Variants in PRCC observed in about 807,000 individuals in gnomAD.
PRCC encodes the protein proline rich mitotic checkpoint control factor, also known as proline-rich protein PRCC.
Under a neutral mutation model 44.0 loss-of-function variants are expected in PRCC, and 10 were observed. The ratio of observed to expected loss-of-function variants is 0.23; its 90% confidence interval spans 0.14 to 0.39. PRCC has a LOEUF of 0.39. Ranked by LOEUF, PRCC falls within the 10% of genes least tolerant of loss-of-function variation. The probability of loss-of-function intolerance (pLI) is 1.00; values close to 1 mark genes in which losing one functional copy is unlikely to be tolerated. For synonymous variants in PRCC, 278 were observed against 259.5 expected (o/e 1.07, Z -0.69); for missense variants, 573 against 624.7 (o/e 0.92, Z 0.88).
chr1:156,769,043 T>C (rs1049259904), intron 1 of PRCC, among the ~76,000 whole-genome samples: 3 of 152,178 alleles, frequency 2.0e-5, no homozygotes, highest in Non-Finnish European at 4.4e-5. Flanking sequence ...AGTGGAAAAA[T>C]ACAAGGCTCC....
chr1:156,781,578 T>C (rs1652052621), intron 1 of PRCC, among the ~76,000 whole-genome samples: 1 of 152,190 alleles, frequency 6.6e-6, no homozygotes, highest in Non-Finnish European at 1.5e-5. Context: ...GCTAAAAGTT[T>C]AGCTATTTTT....
chr1:156,792,053 C>CTTTTTTTTTTTTTTTTTTTTTTTTTTTTT (rs67388360), intron 4 of PRCC, among the ~76,000 whole-genome samples: 6 of 58,450 alleles, frequency 1.0e-4, no homozygotes, highest in East Asian at 1.8e-3. Context: ...TAGTCCCCTT[C>CTTTTTTTTTTTTTTTTTTTTTTTTTTTTT]TTTTTTTTTT....
At chr1:156,775,289 T>C (rs1435028177) in intron 1 of PRCC, among the ~76,000 whole-genome samples, 1 of 151,608 alleles carries the variant, frequency 6.6e-6, no homozygotes, top group East Asian at 1.9e-4. Context: ...GGTCTTACTA[T>C]GTTATCTGGG....
chr1:156,795,285 GTTTTTTTTTTTT>G (rs35911411), intron 5 of PRCC, among the ~76,000 whole-genome samples: 1 of 36,054 alleles, frequency 2.8e-5, no homozygotes, highest in African/African-American at 1.4e-4. Flanking sequence ...ATTTTCTGGT[GTTTTTTTTTTTT>G]TTTTTTTTTT....
Position 156,791,792 on chromosome 1 carries a change from A to G in PRCC, c.1179A>G (p.Ala393=), listed in dbSNP as rs1350018877. 1.2e-6 allele frequency: 2 copies of G among 1,613,184 alleles called. No individual in the cohort carries two copies. The highest frequency in any genetic ancestry group is 1.7e-6 in the Non-Finnish European group (2 of 1,179,328). The change falls in exon 4 of 7, where the codon GCA becomes GCG. Residue 393 remains alanine, a splice_region_variant and synonymous_variant. Transcript: ENST00000271526. The stretch of plus-strand genomic sequence containing the variant: ...ATGCCTCCTTCATCGATGACGAAGC[A>G]GTAAGTTAAGAAAGCACAAGTGACC... ...APDASFIDDE[A]FKRLQGKRNR...
intron 1 of PRCC, among the ~76,000 whole-genome samples, chr1:156,779,120 ATATATATATTTTTTTTTTTT>A (rs1651941213): frequency 5.1e-5 from 1 of 19,658 alleles, no homozygotes; most frequent in East Asian, 1.1e-3. Context: ...ATATATATAT[ATATATATATTTTTTTTTTTT>A]TTTTTTTTTT....
intron 1 of PRCC, among the ~76,000 whole-genome samples, chr1:156,774,093 G>C (rs995517992): frequency 2.6e-5 from 4 of 151,682 alleles, no homozygotes; most frequent in Admixed American, 6.6e-5. Context: ...CAGGGGCTGG[G>C]GGGAGGTGGG....
rs1302077413 is a variant in PRCC, at chr1:156,791,774, C to T, written c.1161C>T (p.Ser387=). The T allele has an allele frequency of 6.2e-7, 1 of 1,613,900 alleles. No homozygotes were observed. The change falls in exon 4 of 7, where the codon TCC becomes TCT. Residue 387 remains serine (S), a synonymous_variant. Transcript: ENST00000271526. The part of the protein sequence containing the change: ...VPPQEIAPDA[S]FIDDEAFKRL... ...CCCAGGAAATTGCCCCAGATGCCTCCTTCATCGATGACGAAGCAGTAAGTT... is the reference window on the plus strand; with the variant it reads ...CCCAGGAAATTGCCCCAGATGCCTCTTTCATCGATGACGAAGCAGTAAGTT...
intron 1 of PRCC, among the ~76,000 whole-genome samples, chr1:156,774,577 C>T (rs192452229): frequency 6.6e-6 from 1 of 152,190 alleles, no homozygotes; most frequent in East Asian, 1.9e-4. Context: ...GCCTCTACCT[C>T]CTGGGCTCAA....
intron 4 of PRCC, 139 bp downstream of exon 4, chr1:156,791,931 A>G: frequency 2.6e-6 from 2 of 758,162 alleles, no homozygotes; most frequent in Non-Finnish European, 4.2e-6. Flanking sequence ...TGTAATGGAG[A>G]AACTCTAAAT....
In PRCC at chr1:156,800,691, T is replaced by C; in HGVS notation, c.*231T>C. The C allele has an allele frequency of 2.2e-6, 1 of 461,764 alleles. No individual in the cohort carries two copies. The highest frequency in any genetic ancestry group is 3.4e-5 in the Admixed American group (1 of 29,482). 28.6% of individuals were successfully genotyped at this position (461,764 alleles called of 1,614,324 possible). On this transcript the variant is annotated 3_prime_UTR_variant, in exon 7 of 7. Transcript: ENST00000271526. ...ACTTGTGTGATGCCTCCGAAGGGGC[T>C]CTGAGTTCTGGGGTGGGAGTTTTGC...
At chr1:156,779,670 A>G (rs1651980086) in intron 1 of PRCC, among the ~76,000 whole-genome samples, 1 of 152,028 alleles carries the variant, frequency 6.6e-6, no homozygotes, top group South Asian at 2.1e-4. Flanking sequence ...GACTGGGCCT[A>G]TTTTAAATTT....
At position 156,775,238 on chromosome 1, in the gene PRCC, G is replaced by A. The variant is rs538997860; in HGVS notation, c.468+6999G>A. 1.9e-3 allele frequency among the ~76,000 whole-genome samples: 292 copies of A among 151,996 alleles called. 1 individual carries two copies. The highest frequency in any genetic ancestry group is 6.5e-3 in the Admixed American group (99 of 15,260). On this transcript the variant is annotated intron_variant, in intron 1 of 6. Coordinates refer to ENST00000271526, the MANE Select transcript of PRCC (RefSeq NM_005973.5). Reference sequence around the variant, plus strand: ...ACTCCAGCCTGGGCTGCAGAGGGAGGCTCCATCTCAAAAAAAAAATTGTTT... The same window carrying A: ...ACTCCAGCCTGGGCTGCAGAGGGAGACTCCATCTCAAAAAAAAAATTGTTT...
intron 6 of PRCC, among the ~76,000 whole-genome samples, chr1:156,797,784 T>G (rs898402200): frequency 2.0e-5 from 3 of 152,090 alleles, no homozygotes; most frequent in Non-Finnish European, 4.4e-5. Context: ...CACAAATAAT[T>G]CAGAATTACA....
rs1272936930 is a variant in PRCC at position 156,775,360 on chromosome 1, T to G, written c.469-6922T>G. 3.3e-5 allele frequency among the ~76,000 whole-genome samples: 5 copies of G among 151,942 alleles called. No individual in the cohort carries two copies. The East Asian group carries it at 9.7e-4, about 29-fold the overall frequency. ...GCCTCATTTTTCTTTCTTTTGTTTTTTTTTTTTGGAGACAGGGTCCTGCTC... is the reference window on the plus strand; with the variant it reads ...GCCTCATTTTTCTTTCTTTTGTTTTGTTTTTTTGGAGACAGGGTCCTGCTC... On this transcript the variant is annotated intron_variant, in intron 1 of 6. Transcript: ENST00000271526.
intron 1 of PRCC, among the ~76,000 whole-genome samples, chr1:156,776,172 A>C (rs1651820961): frequency 6.6e-6 from 1 of 152,240 alleles, no homozygotes. Flanking sequence ...CCTGCGCAAC[A>C]GAGTGAGACC....
intron 5 of PRCC, chr1:156,795,711 T>C (rs1049873077): frequency 1.3e-5 from 2 of 152,240 alleles, no homozygotes. Flanking sequence ...GTTCTCTTCA[T>C]TATTGATGGT....
chr1:156,800,404 A>G lies in PRCC; in HGVS notation c.1420A>G (p.Thr474Ala), dbSNP rs773672891. Residue 474 changes from threonine (T) to alanine (A), a missense_variant, in exon 7 of 7, where the codon ACC (threonine) becomes GCC (alanine). Physicochemically the swap from Thr to Ala is moderately conservative, Grantham distance 58. Around this residue, in one of 4 missense-constraint regions of PRCC, gnomAD observed 69 missense variants for 139.3 expected, o/e 0.50. Coordinates refer to ENST00000271526, the MANE Select transcript of PRCC (RefSeq NM_005973.5). ...AKERELELKNTWSENKLSRRQ... is the reference protein window; with the variant it reads ...AKERELELKNAWSENKLSRRQ... ...GGAGCGGGAGCTGGAACTGAAGAAC[A>G]CCTGGTCAGAGAACAAGCTCAGCCG... is the stretch of plus-strand genomic sequence containing the variant. The G allele has an allele frequency of 4.3e-6, 7 of 1,614,170 alleles. No individual in the cohort carries two copies. In the South Asian group the frequency reaches 7.7e-5, roughly 18 times the overall value.
chr1:156,794,906 C>T, intron 5 of PRCC, 98 bp downstream of exon 5: 2 of 1,473,994 alleles, frequency 1.4e-6, no homozygotes, highest in African/African-American at 1.4e-5. Flanking sequence ...TTGTTATTGT[C>T]ACAGCACCTT....
Sources: allele counts gnomAD v4.1 joint callset (sites outside exome capture counted in the v4.1 genomes callset), GRCh38; gene constraint gnomAD v4.1.1; regional missense constraint gnomAD v4.1.1; transcripts MANE v1.5; gene names NCBI Gene and HGNC (gene_info 2026-07-23, HGNC 2026-07-21).